USP39: variants seen among roughly 807,000 people sequenced by gnomAD.
The protein encoded by USP39 is ubiquitin specific peptidase 39, also known as ubiquitin carboxyl-terminal hydrolase 39.
Under a neutral mutation model 66.4 loss-of-function variants are expected in USP39, and 38 were observed. The ratio of observed to expected loss-of-function variants is 0.57; its 90% CI spans 0.44 to 0.75. The LOEUF (loss-of-function observed/expected upper bound fraction) is 0.75, where lower values mean the gene tolerates loss of function less well. Ranked by LOEUF, USP39 falls within the 30% of genes least tolerant of loss-of-function variation. The probability of loss-of-function intolerance (pLI) is 0.00; values close to 1 mark genes in which losing one functional copy is unlikely to be tolerated. For synonymous variants in USP39, 303 were observed against 274.6 expected, an observed-to-expected ratio of 1.10 and a Z score of -1.02; for missense variants, 608 against 714.4, an observed-to-expected ratio of 0.85 and a Z score of 1.70.
At chr2:85,615,565 C>G (rs903818914), upstream of USP39, among the ~76,000 whole-genome samples, 4 of 152,128 alleles carry the variant, frequency 2.6e-5, no homozygotes, top group South Asian at 2.1e-4. Flanking sequence ...TGTCAGCCCC[C>G]AAGCCGCGGA....
upstream of USP39, among the ~76,000 whole-genome samples, chr2:85,614,856 C>A (rs1673803891): frequency 6.6e-6 from 1 of 152,212 alleles, no homozygotes; most frequent in African/African-American, 2.4e-5. Context: ...GAATACCTAA[C>A]TTCCTGGGAA....
Position 85,628,130 on chromosome 2 carries a change from C to T in USP39, c.723+2439C>T, listed in dbSNP as rs564148847. Among the ~76,000 whole-genome samples the T allele has an allele frequency of 6.0e-3, 908 of 152,110 alleles. 5 individuals carry two copies. Among genetic ancestry groups the T allele is most frequent in the Non-Finnish European group, 0.01 (692 of 67,998 alleles). ...TTTCATCAGATCGTTCCTCTTAAAT[C>T]CTCTCATGGCTGCGTGAAAACTGAT... On this transcript the variant is annotated intron_variant, in intron 5 of 12. Coordinates refer to ENST00000323701, the MANE Select transcript of USP39 (RefSeq NM_006590.4).
intron 11 of USP39, 46 bp downstream of exon 11, chr2:85,645,129 G>T (rs1676542808): frequency 6.2e-7 from 1 of 1,611,818 alleles, no homozygotes; most frequent in Non-Finnish European, 8.5e-7. Flanking sequence ...GCAAAAACAG[G>T]TGTTTCTTTG....
At chr2:85,604,455 G>A (rs544367367) in intron 1 of USP39, among the ~76,000 whole-genome samples, 4 of 152,208 alleles carry the variant, frequency 2.6e-5, no homozygotes, top group East Asian at 1.9e-4. Context: ...CAGGTGATCC[G>A]CTCGCCTTGG....
At chr2:85,615,519 G>A (rs1673859903), upstream of USP39, among the ~76,000 whole-genome samples, 1 of 152,184 alleles carries the variant, frequency 6.6e-6, no homozygotes, top group Admixed American at 6.5e-5. Flanking sequence ...TCAAGGGGAT[G>A]ATTTGGGAAT....
At chr2:85,620,849 G>A (rs781223455) in intron 2 of USP39, among the ~76,000 whole-genome samples, 1 of 151,830 alleles carries the variant, frequency 6.6e-6, no homozygotes, top group Non-Finnish European at 1.5e-5. Flanking sequence ...AAATCTCTTT[G>A]TGGATTCAGT....
At chr2:85,633,297 A>G (rs879258001) in intron 6 of USP39, among the ~76,000 whole-genome samples, 5 of 151,886 alleles carry the variant, frequency 3.3e-5, no homozygotes, top group Non-Finnish European at 7.4e-5. Flanking sequence ...ATTTTTTGGT[A>G]TTTTTAGTAG....
chr2:85,636,133 A>G lies in USP39; in HGVS notation c.1027+3A>G. On this transcript the variant is annotated splice_donor_region_variant and intron_variant, in intron 7 of 12. Coordinates refer to ENST00000323701, the MANE Select transcript of USP39 (RefSeq NM_006590.4). ...GGGCACAAAGAAGAAAAAGAAGAGT[A>G]AGTCATTTACTTATAAAAAGGAGTT... is the stretch of plus-strand genomic sequence containing the variant. The G allele has an allele frequency of 6.2e-7, 1 of 1,613,528 alleles. No individual in the cohort carries two copies. The highest frequency in any genetic ancestry group is 8.5e-7 in the Non-Finnish European group (1 of 1,179,788).
Position 85,637,408 on chromosome 2 carries a change from T to G in USP39, c.1067T>G (p.Phe356Cys). The G allele has an allele frequency of 6.2e-7, 1 of 1,614,210 alleles. No homozygotes were observed. Among genetic ancestry groups the G allele is most frequent in the South Asian group, 1.1e-5 (1 of 91,086 alleles). The change falls in exon 8 of 13, where the codon TTC (phenylalanine) becomes TGC (cysteine). Residue 356 changes from phenylalanine (F) to cysteine (C), a missense_variant. Physicochemically the swap from Phe to Cys is radical, Grantham distance 205. Around this residue, in one of 6 missense-constraint regions of USP39, gnomAD observed 72 missense variants for 60.1 expected, o/e 1.20. Coordinates refer to ENST00000323701, the MANE Select transcript of USP39 (RefSeq NM_006590.4). ...GTTTTCCAGGGGTCCATGAGGATCTTCACTAAAAAGCTTCCCCATCCTGAT... is the reference window on the plus strand; with the variant it reads ...GTTTTCCAGGGGTCCATGAGGATCTGCACTAAAAAGCTTCCCCATCCTGAT... ...TDVFQGSMRI[F>C]TKKLPHPDLP... is the part of the protein sequence containing the mutation.
chr2:85,625,910 T>C (rs974103766), intron 5 of USP39, among the ~76,000 whole-genome samples: 1 of 151,694 alleles, frequency 6.6e-6, no homozygotes, highest in Non-Finnish European at 1.5e-5. Context: ...CCCAGCTATT[T>C]GGCAGGCTGA....
intron 2 of USP39, among the ~76,000 whole-genome samples, chr2:85,620,409 G>A (rs1674371206): frequency 6.6e-6 from 1 of 151,612 alleles, no homozygotes; most frequent in Non-Finnish European, 1.5e-5. Context: ...AACCTAGGAG[G>A]TTGAGGCTGC....
At chr2:85,647,501 T>A (rs1344378169) in intron 11 of USP39, among the ~76,000 whole-genome samples, 2 of 148,110 alleles carry the variant, frequency 1.4e-5, no homozygotes, top group African/African-American at 4.9e-5. Flanking sequence ...CCATTGCTAT[T>A]AAAAAAAAAA....
chr2:85,605,864 T>G (rs1673194720), intron 1 of USP39, among the ~76,000 whole-genome samples: 1 of 152,200 alleles, frequency 6.6e-6, no homozygotes, highest in African/African-American at 2.4e-5. Flanking sequence ...CAGAGAGACT[T>G]TTACACAGGG....
intron 8 of USP39, among the ~76,000 whole-genome samples, chr2:85,638,374 A>G (rs991849244): frequency 4.0e-5 from 6 of 151,416 alleles, no homozygotes; most frequent in Non-Finnish European, 8.8e-5. Context: ...GATCTCTGTC[A>G]CTCAGGCTGA....
chr2:85,631,710 A>G (rs999643573), intron 6 of USP39, among the ~76,000 whole-genome samples: 1 of 152,032 alleles, frequency 6.6e-6, no homozygotes, highest in African/African-American at 2.4e-5. Flanking sequence ...CGTGTCCCAC[A>G]TTAGGGTATT....
At chr2:85,614,716 ATTATC>A (rs1050769304), upstream of USP39, among the ~76,000 whole-genome samples, 1 of 152,192 alleles carries the variant, frequency 6.6e-6, no homozygotes, top group South Asian at 2.1e-4. Context: ...AAGAAGAAAT[ATTATC>A]TTTAAAGCAA....
chr2:85,640,353 A>T (rs1676132563), intron 9 of USP39, among the ~76,000 whole-genome samples: 1 of 148,802 alleles, frequency 6.7e-6, no homozygotes, highest in Non-Finnish European at 1.5e-5. Context: ...CAGTGGTGTG[A>T]TCTCAGCTCA....
At chr2:85,617,555 G>A (rs896038783) in intron 1 of USP39, among the ~76,000 whole-genome samples, 7 of 152,206 alleles carry the variant, frequency 4.6e-5, no homozygotes, top group African/African-American at 1.4e-4. Flanking sequence ...AAGATTTGGG[G>A]CAGGGTGTGG....
At chr2:85,632,869 G>A (rs1349760978) in intron 6 of USP39, among the ~76,000 whole-genome samples, 1 of 152,154 alleles carries the variant, frequency 6.6e-6, no homozygotes, top group Admixed American at 6.5e-5. Context: ...CAGAGTGGAG[G>A]AAGAGACCCT....
Sources: allele counts gnomAD v4.1 joint callset (sites outside exome capture counted in the v4.1 genomes callset), GRCh38; gene constraint gnomAD v4.1.1; regional missense constraint gnomAD v4.1.1; transcripts MANE v1.5; gene names NCBI Gene and HGNC (gene_info 2026-07-23, HGNC 2026-07-21).